MAGI1: variants seen among roughly 807,000 people sequenced by gnomAD.
The protein encoded by MAGI1 is membrane-associated guanylate kinase, WW and PDZ domain-containing protein 1.
MAGI1 carries 58 observed loss-of-function variants against 139.9 expected under a neutral mutation model. The observed-to-expected ratio is 0.41, with a 90% CI of 0.34 to 0.52. MAGI1 has a LOEUF of 0.52. Ranked by LOEUF, MAGI1 falls within the 20% of genes least tolerant of loss-of-function variation. The pLI is 0.12. For missense variants in MAGI1, 1,874 were observed against 1,901.6 expected (o/e 0.99, Z 0.27); for synonymous variants, 812 against 737.9 (o/e 1.10, Z -1.63).
At chr3:65,750,483 T>C (rs78681470) in intron 1 of MAGI1, among the ~76,000 whole-genome samples, 4,047 of 152,290 alleles carry the variant, frequency 0.027, 171 homozygotes, top group African/African-American at 0.093. Flanking sequence ...CCTAACAATA[T>C]AGTTACTCTA....
At chr3:65,556,936 C>G (rs2080111608) in intron 2 of MAGI1, among the ~76,000 whole-genome samples, 1 of 152,186 alleles carries the variant, frequency 6.6e-6, no homozygotes, top group Admixed American at 6.5e-5. Context: ...CCTTCGTTCA[C>G]TGTTTCAGAA....
intron 2 of MAGI1, among the ~76,000 whole-genome samples, chr3:65,518,962 G>A (rs1038089887): frequency 5.3e-5 from 8 of 152,036 alleles, no homozygotes; most frequent in African/African-American, 1.9e-4. Flanking sequence ...CATGATGAGG[G>A]AATTCCTCAC....
chr3:65,413,016 AT>A (rs1945910769), intron 12 of MAGI1, among the ~76,000 whole-genome samples: 2 of 152,148 alleles, frequency 1.3e-5, no homozygotes, highest in Admixed American at 1.3e-4. Flanking sequence ...GCAAACTTTT[AT>A]TACAGCACTG....
intron 1 of MAGI1, among the ~76,000 whole-genome samples, chr3:65,641,649 T>G (rs1416187785): frequency 6.6e-6 from 1 of 151,878 alleles, no homozygotes; most frequent in Non-Finnish European, 1.5e-5. Flanking sequence ...GGTACGGGAG[T>G]GAAGAACATC....
intron 1 of MAGI1, among the ~76,000 whole-genome samples, chr3:65,894,608 A>G (rs1357284128): frequency 2.6e-5 from 4 of 152,240 alleles, no homozygotes; most frequent in African/African-American, 9.6e-5. Flanking sequence ...GAAAAGAGAA[A>G]TACAATACCA....
At chr3:65,709,518 T>C (rs2031000029) in intron 1 of MAGI1, among the ~76,000 whole-genome samples, 1 of 152,172 alleles carries the variant, frequency 6.6e-6, no homozygotes, top group Non-Finnish European at 1.5e-5. Context: ...TTAAACCTCT[T>C]TTAGGAACAT....
intron 1 of MAGI1, among the ~76,000 whole-genome samples, chr3:65,749,356 C>T (rs1247722375): frequency 6.6e-6 from 1 of 152,076 alleles, no homozygotes; most frequent in Non-Finnish European, 1.5e-5. Flanking sequence ...AAATCAGTTG[C>T]AAAACTGTTC....
chr3:65,979,327 C>T (rs1167521503), intron 1 of MAGI1, among the ~76,000 whole-genome samples: 2 of 152,118 alleles, frequency 1.3e-5, no homozygotes, highest in Non-Finnish European at 2.9e-5. Context: ...TTAATCAAAA[C>T]GTCATCCAAC....
chr3:65,716,847 T>C (rs1048736022), intron 1 of MAGI1, among the ~76,000 whole-genome samples: 2 of 152,222 alleles, frequency 1.3e-5, no homozygotes, highest in Non-Finnish European at 2.9e-5. Flanking sequence ...TTCCAAACTA[T>C]GTCACAGTTT....
chr3:65,639,465 A>G (rs80295256), intron 1 of MAGI1, among the ~76,000 whole-genome samples: 9,230 of 152,202 alleles, frequency 0.061, 926 homozygotes, highest in African/African-American at 0.21. Flanking sequence ...CTGCACAGGT[A>G]TTTGAGTTTC....
At chr3:65,790,497 C>G (rs55903229) in intron 1 of MAGI1, among the ~76,000 whole-genome samples, 29,421 of 152,110 alleles carry the variant, frequency 0.19, 3,717 homozygotes, top group Non-Finnish European at 0.3. Context: ...TTACTAAAAG[C>G]CAAATTAGAT....
Position 65,511,249 on chromosome 3 carries a change from A to C in MAGI1, c.431-17618T>G, listed in dbSNP as rs1345337282. Among the ~76,000 whole-genome samples the C allele has an allele frequency of 3.2e-3, 484 of 150,488 alleles. 2 individuals are homozygous for C. Among genetic ancestry groups the C allele is most frequent in the African/African-American group, 0.011 (472 of 41,394 alleles). On this transcript the variant is annotated intron_variant, in intron 2 of 22. Coordinates refer to ENST00000402939, the MANE Select transcript of MAGI1 (RefSeq NM_001033057.2). ...GACTAGGAAGAAACTGCATCAACTA[A>C]TGAGCAAAATAACCAGCTAACATCA...
intron 1 of MAGI1, among the ~76,000 whole-genome samples, chr3:65,634,630 G>A (rs1160593772): frequency 2.0e-5 from 3 of 152,146 alleles, no homozygotes; most frequent in Non-Finnish European, 4.4e-5. Context: ...ATGCACTAAC[G>A]CAATATCCAG....
At chr3:65,616,231 G>A (rs1185109595) in intron 2 of MAGI1, among the ~76,000 whole-genome samples, 1 of 152,138 alleles carries the variant, frequency 6.6e-6, no homozygotes, top group Non-Finnish European at 1.5e-5. Context: ...GGTGTAAGCA[G>A]GCAAGGGGTG....
chr3:65,783,623 T>C (rs1280693313), intron 1 of MAGI1, among the ~76,000 whole-genome samples: 15 of 151,830 alleles, frequency 9.9e-5, no homozygotes, highest in Non-Finnish European at 2.1e-4. Flanking sequence ...CCTCCCCGAG[T>C]GGCTGGGACT....
At position 65,605,179 on chromosome 3, in the gene MAGI1, C is replaced by G. The variant is rs186031032; in HGVS notation, c.430+16793G>C. Among the ~76,000 whole-genome samples, 497 of 152,304 alleles carry G rather than the reference C, an allele frequency of 3.3e-3. 9 individuals are homozygous for G. Among genetic ancestry groups the G allele is most frequent in the Non-Finnish European group, 5.5e-3 (376 of 68,032 alleles). On this transcript the variant is annotated intron_variant, in intron 2 of 22. Coordinates refer to ENST00000402939, the MANE Select transcript of MAGI1 (RefSeq NM_001033057.2). ...ATGACGAGACCTCACTATAAATGAC[C>G]TGTTTTACAAGACCACATCCACTTA...
At chr3:65,672,112 T>C (rs2086897922) in intron 1 of MAGI1, among the ~76,000 whole-genome samples, 1 of 152,168 alleles carries the variant, frequency 6.6e-6, no homozygotes, top group South Asian at 2.1e-4. Flanking sequence ...CAAACCAGTA[T>C]TGCCAAAACT....
In MAGI1 at chr3:65,783,010, A is replaced by C. The variant is rs560349879; in HGVS notation, c.314-160922T>G. Among the ~76,000 whole-genome samples, 129 of 150,378 alleles carry C rather than the reference A, an allele frequency of 8.6e-4. 2 individuals carry two copies. Among genetic ancestry groups the C allele is most frequent in the Admixed American group, 1.3e-3 (20 of 15,134 alleles). On this transcript the variant is annotated intron_variant, in intron 1 of 22. Transcript: ENST00000402939. ...TTTAAAAACAAAACAACAACAACAA[A>C]AAAAAGAAGAAAAAAGAGAAGTTGG...
chr3:65,452,886 AT>A, intron 6 of MAGI1: 1 of 177,790 alleles, frequency 5.6e-6, no homozygotes, highest in South Asian at 1.4e-4. Flanking sequence ...TAAGACTTTT[AT>A]AAGATAGGGT....
Sources: allele counts gnomAD v4.1 joint callset (sites outside exome capture counted in the v4.1 genomes callset), GRCh38; gene constraint gnomAD v4.1.1; transcripts MANE v1.5; gene names NCBI Gene and HGNC (gene_info 2026-07-23, HGNC 2026-07-21).